Variants in FARSB observed in about 807,000 individuals in gnomAD.
FARSB encodes the protein phenylalanine--tRNA ligase beta subunit.
Under a neutral mutation model 69.6 loss-of-function variants are expected in FARSB, and 40 were observed. That is an observed-to-expected ratio of 0.57 (90% CI 0.45 to 0.75). The LOEUF (loss-of-function observed/expected upper bound fraction) is 0.75. FARSB is among the 30% of genes least tolerant of loss of function. FARSB has a pLI of 0.00. For missense variants in FARSB, 632 were observed against 722.9 expected, an observed-to-expected ratio of 0.87 and a Z score of 1.44; for synonymous variants, 235 against 247.2, an observed-to-expected ratio of 0.95 and a Z score of 0.46.
chr2:222,614,027 G>T, intron 14 of FARSB, 99 bp from the exon 15 acceptor site: 1 of 612,960 alleles, frequency 1.6e-6, no homozygotes, highest in Non-Finnish European at 2.9e-6. Flanking sequence ...TGGCTTCATA[G>T]GAAGACACTT....
intron 16 of FARSB, among the ~76,000 whole-genome samples, chr2:222,579,079 C>G (rs151096747): frequency 2.9e-3 from 435 of 152,272 alleles, no homozygotes; most frequent in African/African-American, 1.0e-2. Context: ...TGGCCAAGCC[C>G]TTTGTGGGAC....
chr2:222,623,539 G>A (rs1691192191), intron 13 of FARSB, 111 bp downstream of exon 13: 4 of 752,550 alleles, frequency 5.3e-6, no homozygotes, highest in African/African-American at 1.8e-5. Flanking sequence ...TCCAGAATCT[G>A]GAAGTTCTAA....
At position 222,642,950 on chromosome 2, in the gene FARSB, G is replaced by C; in HGVS notation, c.170C>G (p.Ala57Gly). The C allele has an allele frequency of 6.2e-7, 1 of 1,610,604 alleles. No individual in the cohort carries two copies. Among genetic ancestry groups the C allele is most frequent in the Non-Finnish European group, 8.5e-7 (1 of 1,177,052 alleles). Residue 57 changes from alanine to glycine, a missense_variant, in exon 3 of 17, where the codon GCC (alanine) becomes GGC (glycine). Transcript: ENST00000281828. ...KEQGNVKAAG[A>G]SDVVLYKIDV... ...AATTTTGTAAAGAACAACATCAGAG[G>C]CTCCTGCTGCCTTTACATTACCTTG...
intron 2 of FARSB, chr2:222,644,434 G>A: frequency 2.4e-6 from 1 of 416,462 alleles, no homozygotes; most frequent in South Asian, 1.7e-5. Context: ...AAGGGGAATG[G>A]GGAGAGGCAA....
intron 14 of FARSB, among the ~76,000 whole-genome samples, chr2:222,616,191 G>A (rs375115369): frequency 1.2e-4 from 18 of 152,144 alleles, no homozygotes; most frequent in African/African-American, 3.9e-4. Context: ...AAAGAAAGAC[G>A]GAAGGATGAG....
At chr2:222,621,328 G>A (rs115172422) in intron 13 of FARSB, among the ~76,000 whole-genome samples, 3,743 of 152,108 alleles carry the variant, frequency 0.025, 144 homozygotes, top group African/African-American at 0.08. Flanking sequence ...TCACCCTGTC[G>A]CCCACACTGG....
intron 13 of FARSB, among the ~76,000 whole-genome samples, chr2:222,620,947 C>T (rs566185889): frequency 6.6e-6 from 1 of 152,308 alleles, no homozygotes; most frequent in African/African-American, 2.4e-5. Context: ...CACATCCAGC[C>T]ATAGCAGAAA....
At position 222,599,997 on chromosome 2, in the gene FARSB, T is replaced by G. The variant is rs756971790; in HGVS notation, c.1549A>C (p.Arg517=). The part of the protein sequence containing the change: ...GFEIIHGLLD[R]IMQLLDVPPG... ...GGCACATCGAGCAACTGCATAATTC[T>G]GTCCAGCAGCCCATGAATGATCTCA... is the stretch of plus-strand genomic sequence containing the variant. The change falls in exon 16 of 17, where the codon AGA becomes CGA. Residue 517 remains arginine, a synonymous_variant. Coordinates refer to ENST00000281828, the MANE Select transcript of FARSB (RefSeq NM_005687.5). The G allele has an allele frequency of 6.2e-7, 1 of 1,612,548 alleles. No individual in the cohort carries two copies. Among genetic ancestry groups the G allele is most frequent in the Admixed American group, 1.7e-5 (1 of 59,540 alleles).
At position 222,623,877 on chromosome 2, in the gene FARSB, A is replaced by G. The variant is rs1691203197; in HGVS notation, c.1171-147T>C. On this transcript the variant is annotated intron_variant, in intron 12 of 16. Coordinates refer to ENST00000281828, the MANE Select transcript of FARSB (RefSeq NM_005687.5). Reference sequence around the variant, plus strand: ...TTTTCACCCTTACTAACGTACTGCTAATGCCACTATTTCCCTATCAATATT... The same window carrying G: ...TTTTCACCCTTACTAACGTACTGCTGATGCCACTATTTCCCTATCAATATT... The G allele has an allele frequency of 7.9e-6, 5 of 632,276 alleles. No homozygotes were observed. In the South Asian group the frequency reaches 1.0e-4, roughly 13 times the overall value. The allele number at this position is 632,276 out of a possible 1,614,324, so 39.2% of individuals were successfully genotyped here.
At chr2:222,616,172 C>T (rs1690989481) in intron 14 of FARSB, among the ~76,000 whole-genome samples, 1 of 151,938 alleles carries the variant, frequency 6.6e-6, no homozygotes. Context: ...CTTCAACAAA[C>T]TGAAAGGAAA....
At chr2:222,620,033 A>T (rs1691100185) in intron 13 of FARSB, among the ~76,000 whole-genome samples, 1 of 152,078 alleles carries the variant, frequency 6.6e-6, no homozygotes, top group African/African-American at 2.4e-5. Flanking sequence ...GCTAAAGTAA[A>T]TTTTTCACAT....
intron 15 of FARSB, among the ~76,000 whole-genome samples, 196 bp downstream of exon 15, chr2:222,613,615 T>C (rs1690912846): frequency 6.6e-6 from 1 of 152,198 alleles, no homozygotes; most frequent in Admixed American, 6.5e-5. Context: ...CTATGATTCA[T>C]ATTAAAATAA....
intron 16 of FARSB, among the ~76,000 whole-genome samples, chr2:222,588,031 C>G (rs1690165481): frequency 6.6e-6 from 1 of 152,056 alleles, no homozygotes; most frequent in Non-Finnish European, 1.5e-5. Flanking sequence ...ATCCTGATAC[C>G]AAAGCCTGGC....
intron 15 of FARSB, 29 bp from the exon 16 acceptor site, chr2:222,600,112 G>C: frequency 2.5e-6 from 4 of 1,578,462 alleles, no homozygotes; most frequent in Non-Finnish European, 3.4e-6. Flanking sequence ...TGGTCACAAC[G>C]CTGTATTAAC....
chr2:222,623,492 C>T (rs919847987), intron 13 of FARSB, among the ~76,000 whole-genome samples, 158 bp downstream of exon 13: 3 of 152,048 alleles, frequency 2.0e-5, no homozygotes, highest in Non-Finnish European at 4.4e-5. Flanking sequence ...CATTACTTTA[C>T]CAGGAATTGT....
intron 5 of FARSB, among the ~76,000 whole-genome samples, chr2:222,636,545 A>G (rs1375661802): frequency 6.6e-6 from 1 of 152,134 alleles, no homozygotes. Flanking sequence ...AAAGTCAAAA[A>G]ACACAAAAAA....
chr2:222,604,060 C>CA (rs1457404277), intron 15 of FARSB, among the ~76,000 whole-genome samples: 4 of 151,110 alleles, frequency 2.6e-5, no homozygotes, highest in Non-Finnish European at 5.9e-5. Flanking sequence ...ACTAAAAATA[C>CA]AAAAAAAATT....
At chr2:222,599,030 A>G (rs1285665920) in intron 16 of FARSB, among the ~76,000 whole-genome samples, 2 of 152,120 alleles carry the variant, frequency 1.3e-5, no homozygotes, top group Admixed American at 1.3e-4. Flanking sequence ...AAATGAAAAC[A>G]AAAACAAAAA....
In FARSB at chr2:222,568,189, G is replaced by C. The variant is rs1179480981; in HGVS notation, c.*3682C>G. 6.6e-6 allele frequency: 1 copy of C among 152,194 alleles called. No individual in the cohort carries two copies. The highest frequency in any genetic ancestry group is 1.5e-5 in the Non-Finnish European group (1 of 68,036). The allele number at this position is 152,194 out of a possible 1,614,324, so 9.4% of individuals were successfully genotyped here. On this transcript the variant is annotated 3_prime_UTR_variant, in exon 17 of 17. Transcript: ENST00000281828. This position sits in a 1 kb window ranked among gnomAD's most constrained non-coding sequence, Gnocchi z 4.3. ...GCAGTTAGTTACTTCAGGGAATCAG[G>C]AGGAAGAAAGGTAGATTAACTCAGT...
Sources: gnomAD v4.1 joint callset for allele counts (sites outside exome capture counted in the v4.1 genomes callset) on GRCh38, gnomAD v4.1.1 for gene constraint, Gnocchi (gnomAD v3.1) non-coding constraint, MANE v1.5 for transcripts, NCBI Gene and HGNC (gene_info 2026-07-23, HGNC 2026-07-21) for gene names.